Variants in CEP83 observed in about 807,000 individuals in gnomAD.
The protein encoded by CEP83 is centrosomal protein of 83 kDa.
Under a neutral mutation model 101.9 loss-of-function variants are expected in CEP83, and 70 were observed. The ratio of observed to expected loss-of-function variants is 0.69; its 90% CI spans 0.57 to 0.84. CEP83 has a LOEUF of 0.84. Ranked by LOEUF, CEP83 falls within the 40% of genes least tolerant of loss-of-function variation. The probability of loss-of-function intolerance (pLI) is 0.00; values close to 1 mark genes in which losing one functional copy is unlikely to be tolerated. For missense variants in CEP83, 715 were observed against 787.2 expected, an observed-to-expected ratio of 0.91 and a Z score of 1.10; for synonymous variants, 264 against 267.9, an observed-to-expected ratio of 0.99 and a Z score of 0.14.
At chr12:94,274,155 T>TTAA in the CEP83 span, among the ~76,000 whole-genome samples, 2 of 45,376 alleles carry the variant, frequency 4.4e-5, no homozygotes, top group African/African-American at 1.2e-4. Flanking sequence ...ACCCTGTCTC[T>TTAA]AAAAAAAAAA....
At chr12:94,288,769 A>G in the CEP83 span, among the ~76,000 whole-genome samples, 8 of 152,362 alleles carry the variant, frequency 5.3e-5, no homozygotes, top group Admixed American at 3.3e-4. Flanking sequence ...ATACTGACGG[A>G]GGGAGAGCAA....
At chr12:94,353,872 T>A (rs2060317239) in intron 11 of CEP83, among the ~76,000 whole-genome samples, 1 of 151,932 alleles carries the variant, frequency 6.6e-6, no homozygotes, top group Non-Finnish European at 1.5e-5. Context: ...AAAAAAAGTT[T>A]TTAAGCTGTA....
At chr12:94,287,531 G>A in the CEP83 span, among the ~76,000 whole-genome samples, 2 of 152,306 alleles carry the variant, frequency 1.3e-5, no homozygotes, top group East Asian at 3.9e-4. Context: ...GACAGGTGTT[G>A]GGCAGGAAAT....
chr12:94,370,133 G>T, intron 8 of CEP83, 97 bp from the exon 9 acceptor site: 1 of 694,458 alleles, frequency 1.4e-6, no homozygotes, highest in Non-Finnish European at 2.6e-6. Flanking sequence ...CGCTCTGGTA[G>T]TAAAGTAGAG....
intron 4 of CEP83, among the ~76,000 whole-genome samples, chr12:94,408,970 A>G (rs1214965043): frequency 1.3e-5 from 2 of 152,070 alleles, no homozygotes; most frequent in African/African-American, 4.8e-5. Context: ...TGATGCAGAA[A>G]TGTTCTTTAA....
intron 11 of CEP83, among the ~76,000 whole-genome samples, chr12:94,352,713 T>C (rs2060260141): frequency 6.6e-6 from 1 of 151,938 alleles, no homozygotes; most frequent in African/African-American, 2.4e-5. Flanking sequence ...AAAAATACAA[T>C]CAAGAATTTC....
At chr12:94,392,393 G>C (rs984434993) in intron 6 of CEP83, among the ~76,000 whole-genome samples, 1 of 152,022 alleles carries the variant, frequency 6.6e-6, no homozygotes, top group African/African-American at 2.4e-5. Context: ...ATGACTACTG[G>C]GTAAATAACG....
At chr12:94,386,978 C>A (rs1218680225) in intron 6 of CEP83, among the ~76,000 whole-genome samples, 2 of 152,094 alleles carry the variant, frequency 1.3e-5, no homozygotes, top group African/African-American at 4.8e-5. Flanking sequence ...ATCTGATGCT[C>A]AACAAAGTTG....
At chr12:94,451,716 A>G (rs2067268265) in intron 1 of CEP83, among the ~76,000 whole-genome samples, 1 of 152,188 alleles carries the variant, frequency 6.6e-6, no homozygotes, top group Non-Finnish European at 1.5e-5. Flanking sequence ...TAATTGGTAC[A>G]GCTACTTTGG....
chr12:94,368,250 T>C (rs376352900), intron 9 of CEP83, 49 bp from the exon 10 acceptor site: 11 of 1,443,240 alleles, frequency 7.6e-6, no homozygotes, highest in Non-Finnish European at 1.0e-5. Flanking sequence ...GTTATTAAGA[T>C]GAAAAATCAC....
At chr12:94,286,616 C>CAAAAAAAAAAAAAA in the CEP83 span, among the ~76,000 whole-genome samples, 1 of 101,374 alleles carries the variant, frequency 9.9e-6, no homozygotes, top group African/African-American at 4.0e-5. Flanking sequence ...TGCTTAAAAG[C>CAAAAAAAAAAAAAA]AAAAAAAAAA....
At chr12:94,446,368 C>T (rs756351285) in intron 1 of CEP83, among the ~76,000 whole-genome samples, 2 of 152,160 alleles carry the variant, frequency 1.3e-5, no homozygotes, top group Non-Finnish European at 2.9e-5. Flanking sequence ...AAGTTGGTTT[C>T]ATGATACATC....
At chr12:94,343,362 T>C (rs2059777728) in intron 11 of CEP83, among the ~76,000 whole-genome samples, 1 of 151,608 alleles carries the variant, frequency 6.6e-6, no homozygotes, top group African/African-American at 2.4e-5. Context: ...TGCTTTACCC[T>C]AGTCCTACCC....
chr12:94,368,202 C>T lies in CEP83; in HGVS notation c.1049-1G>A. 1 of 1,607,222 alleles carries T rather than the reference C, an allele frequency of 6.2e-7. No individual in the cohort carries two copies. The highest frequency in any genetic ancestry group is 8.5e-7 in the Non-Finnish European group (1 of 1,177,416). ...AGAATTTCATTGTCTGACTGTAATCCTAGTGTTTTTCAAGGAGAAAAGTGT... is the reference window on the plus strand; with the variant it reads ...AGAATTTCATTGTCTGACTGTAATCTTAGTGTTTTTCAAGGAGAAAAGTGT... On this transcript the variant is annotated splice_acceptor_variant, in intron 9 of 16. Coordinates refer to ENST00000397809, the MANE Select transcript of CEP83 (RefSeq NM_016122.3). LOFTEE classifies it high-confidence loss of function.
chr12:94,422,961 T>C (rs907011905), intron 2 of CEP83, among the ~76,000 whole-genome samples: 1 of 152,206 alleles, frequency 6.6e-6, no homozygotes, highest in Non-Finnish European at 1.5e-5. Context: ...TGGGTGGTGG[T>C]AAACATTTAA....
At chr12:94,284,554 C>A in the CEP83 span, among the ~76,000 whole-genome samples, 7 of 152,020 alleles carry the variant, frequency 4.6e-5, no homozygotes, top group South Asian at 1.2e-3. Flanking sequence ...TTTGCAATGG[C>A]GATTTCAGTA....
At chr12:94,346,096 G>A (rs2136687871) in intron 11 of CEP83, among the ~76,000 whole-genome samples, 1 of 152,096 alleles carries the variant, frequency 6.6e-6, no homozygotes, top group South Asian at 2.1e-4. Context: ...TGCTGCCCAG[G>A]CTGGAGTGCA....
chr12:94,404,209 C>A (rs1166344820), intron 4 of CEP83, among the ~76,000 whole-genome samples: 1 of 152,106 alleles, frequency 6.6e-6, no homozygotes, highest in East Asian at 1.9e-4. Flanking sequence ...AAACTTCAAA[C>A]TCTGGTGTTA....
chr12:94,358,753 A>T (rs535058679), intron 11 of CEP83, among the ~76,000 whole-genome samples: 1 of 152,360 alleles, frequency 6.6e-6, no homozygotes, highest in Admixed American at 6.5e-5. Flanking sequence ...TTCCTGCAAG[A>T]AGTAGCTCAC....
Sources: gnomAD v4.1 joint callset for allele counts (sites outside exome capture counted in the v4.1 genomes callset) on GRCh38, gnomAD v4.1.1 for gene constraint, MANE v1.5 for transcripts, NCBI Gene and HGNC (gene_info 2026-07-23, HGNC 2026-07-21) for gene names.